OMA1: variants seen among roughly 807,000 people sequenced by gnomAD.
The protein encoded by OMA1 is metalloendopeptidase OMA1, mitochondrial.
OMA1 carries 38 observed loss-of-function variants against 30.9 expected under a neutral mutation model. The ratio of observed to expected loss-of-function variants is 1.23; its 90% CI spans 0.95 to 1.61. The LOEUF is 1.61. Among genes scored for constraint, OMA1 ranks in the 40% most tolerant of loss-of-function variants. The probability of loss-of-function intolerance (pLI) is 0.00; values close to 1 mark genes in which losing one functional copy is unlikely to be tolerated. For synonymous variants in OMA1, 173 were observed against 121.9 expected (o/e 1.42, Z -2.76); for missense variants, 461 against 349.2 (o/e 1.32, Z -2.55).
chr1:58,508,162 G>A (rs532536187), intron 7 of OMA1, among the ~76,000 whole-genome samples: 3 of 152,232 alleles, frequency 2.0e-5, no homozygotes, highest in East Asian at 3.9e-4. Flanking sequence ...CAAGCTAAAA[G>A]TATTAAAAGG....
chr1:58,540,663 G>A (rs895671364), intron 1 of OMA1, among the ~76,000 whole-genome samples: 1 of 148,932 alleles, frequency 6.7e-6, no homozygotes, highest in Non-Finnish European at 1.5e-5. Flanking sequence ...TGACTTTGAA[G>A]ACGTATCAAT....
chr1:58,535,172 G>A (rs1217784178), intron 3 of OMA1, among the ~76,000 whole-genome samples: 1 of 152,178 alleles, frequency 6.6e-6, no homozygotes, highest in Non-Finnish European at 1.5e-5. Context: ...AAAAGATGCT[G>A]ATTAAGACTA....
At position 58,504,409 on chromosome 1, in the gene OMA1, G is replaced by A. The variant is rs1219382250; in HGVS notation, c.1365+1651C>T. Reference sequence around the variant, plus strand: ...CCACACAGCTAAAGGACTTGCTCCCGTGCTTCCTTCCGGATTCTGATTAGT... The same window carrying A: ...CCACACAGCTAAAGGACTTGCTCCCATGCTTCCTTCCGGATTCTGATTAGT... On this transcript the variant is annotated intron_variant, in intron 8 of 8. Transcript: ENST00000371226. Among the ~76,000 whole-genome samples the A allele has an allele frequency of 3.3e-5, 5 of 152,058 alleles. No individual in the cohort carries two copies. In the South Asian group the frequency reaches 6.2e-4, roughly 19 times the overall value.
At chr1:58,483,051 T>C (rs750012435) in intron 8 of OMA1, among the ~76,000 whole-genome samples, 3 of 152,196 alleles carry the variant, frequency 2.0e-5, no homozygotes, top group Non-Finnish European at 4.4e-5. Flanking sequence ...CTTTGAAGAA[T>C]ACACATTCGA....
At chr1:58,538,433 A>G (rs927603521) in intron 2 of OMA1, among the ~76,000 whole-genome samples, 15 of 152,338 alleles carry the variant, frequency 9.8e-5, no homozygotes, top group East Asian at 1.9e-4. Flanking sequence ...CTTCTTATAC[A>G]TAAGTGATAA....
At chr1:58,546,341 A>G (rs2100510015) in intron 1 of OMA1, among the ~76,000 whole-genome samples, 1 of 152,298 alleles carries the variant, frequency 6.6e-6, no homozygotes, top group East Asian at 1.9e-4. Context: ...CTGCTCTGAA[A>G]GCGGAGCCGC....
chr1:58,533,876 A>C, intron 5 of OMA1, 77 bp downstream of exon 5: 1 of 796,462 alleles, frequency 1.3e-6, no homozygotes, highest in Non-Finnish European at 2.2e-6. Flanking sequence ...CCTGAAAAAA[A>C]TCAGTTCTTT....
intron 8 of OMA1, among the ~76,000 whole-genome samples, chr1:58,504,261 T>TC (rs1645951916): frequency 6.6e-6 from 1 of 152,196 alleles, no homozygotes; most frequent in African/African-American, 2.4e-5. Flanking sequence ...GAACTGTTCT[T>TC]CCCTTCCCTT....
chr1:58,488,031 A>G (rs538221866), intron 8 of OMA1, among the ~76,000 whole-genome samples: 20 of 152,054 alleles, frequency 1.3e-4, no homozygotes, highest in Non-Finnish European at 1.5e-5. Context: ...TATTAATTAT[A>G]TTTTCCCTAT....
chr1:58,541,293 C>CAAAAAAAAAAAAAAAA (rs71043292), intron 1 of OMA1, among the ~76,000 whole-genome samples: 1 of 27,572 alleles, frequency 3.6e-5, no homozygotes, highest in Non-Finnish European at 6.8e-5. Context: ...GACTCTGTCT[C>CAAAAAAAAAAAAAAAA]AAAAAAAAAA....
At chr1:58,528,307 C>G (rs1008054720) in intron 6 of OMA1, among the ~76,000 whole-genome samples, 4 of 151,994 alleles carry the variant, frequency 2.6e-5, no homozygotes, top group African/African-American at 9.7e-5. Flanking sequence ...TATTGTTAAC[C>G]CTGAGCTAAT....
At chr1:58,519,738 AATTTTTAAAAAAAT>A (rs1646230813) in intron 7 of OMA1, among the ~76,000 whole-genome samples, 1 of 152,198 alleles carries the variant, frequency 6.6e-6, no homozygotes, top group South Asian at 2.1e-4. Context: ...AAGAAACATG[AATTTTTAAAAAAAT>A]ATATGATTAA....
At chr1:58,544,915 T>G (rs1473858916) in intron 1 of OMA1, among the ~76,000 whole-genome samples, 1 of 152,152 alleles carries the variant, frequency 6.6e-6, no homozygotes, top group African/African-American at 2.4e-5. Flanking sequence ...TTTTTTAATT[T>G]TTTTCTGTAG....
At chr1:58,533,127 T>G (rs1646462329) in intron 5 of OMA1, among the ~76,000 whole-genome samples, 1 of 152,218 alleles carries the variant, frequency 6.6e-6, no homozygotes, top group South Asian at 2.1e-4. Flanking sequence ...GAATAACAAT[T>G]TAAAAAATGT....
intron 7 of OMA1, among the ~76,000 whole-genome samples, chr1:58,522,856 A>T (rs1167484640): frequency 6.6e-6 from 1 of 152,212 alleles, no homozygotes; most frequent in Non-Finnish European, 1.5e-5. Flanking sequence ...GATCATCATA[A>T]ATGTCTCCAT....
At chr1:58,511,415 A>T (rs1646074688) in intron 7 of OMA1, among the ~76,000 whole-genome samples, 1 of 152,154 alleles carries the variant, frequency 6.6e-6, no homozygotes, top group Non-Finnish European at 1.5e-5. Flanking sequence ...TGGGAGGCTG[A>T]GGCACATGGA....
At position 58,534,312 on chromosome 1, in the gene OMA1, T is replaced by C. The variant is rs776722518; in HGVS notation, c.749A>G (p.Asn250Ser). Residue 250 changes from asparagine to serine, a missense_variant, in exon 4 of 9, where the codon AAT becomes AGT. Transcript: ENST00000371226. ...EYEAWMEEFK[N>S]DMLTEKDARY... ...GGCATCTTTCTCAGTTAGCATATCA[T>C]TTTTAAATTCTTCCATCCACTGAAA... 1.1e-5 allele frequency: 9 copies of C among 853,898 alleles called. No individual in the cohort carries two copies. Among genetic ancestry groups the C allele is most frequent in the Non-Finnish European group, 4.0e-6 (2 of 496,206 alleles). The allele number at this position is 853,898 out of a possible 1,614,324, so 52.9% of individuals were successfully genotyped here.
chr1:58,488,220 A>G (rs1410890107), intron 8 of OMA1, among the ~76,000 whole-genome samples: 1 of 152,138 alleles, frequency 6.6e-6, no homozygotes, highest in Non-Finnish European at 1.5e-5. Flanking sequence ...TTTGCTTTAC[A>G]TGTGCGGAAT....
chr1:58,506,679 T>A (rs1342987418), intron 7 of OMA1, among the ~76,000 whole-genome samples: 1 of 152,152 alleles, frequency 6.6e-6, no homozygotes, highest in Non-Finnish European at 1.5e-5. Context: ...AAATTCTGTT[T>A]TCATAAAGTT....
Sources: allele counts gnomAD v4.1 joint callset (sites outside exome capture counted in the v4.1 genomes callset), GRCh38; gene constraint gnomAD v4.1.1; transcripts MANE v1.5; gene names NCBI Gene and HGNC (gene_info 2026-07-23, HGNC 2026-07-21).